Variants in BPGM observed in about 807,000 individuals in gnomAD.
BPGM encodes the protein 2,3-bisphosphoglycerate mutase, erythrocyte.
A neutral mutation model predicts 21.6 loss-of-function variants in BPGM; 15 were observed. That is an observed-to-expected ratio of 0.70 (90% confidence interval 0.47 to 1.07). The LOEUF is 1.07. BPGM is among the 50% of genes least tolerant of loss of function. The pLI is 0.00. For missense variants in BPGM, 273 were observed against 319.0 expected (o/e 0.86, Z 1.10); for synonymous variants, 113 against 116.2 (o/e 0.97, Z 0.18).
intron 1 of BPGM, among the ~76,000 whole-genome samples, chr7:134,648,227 C>G (rs1461195777): frequency 6.6e-6 from 1 of 151,508 alleles, no homozygotes; most frequent in Non-Finnish European, 1.5e-5. Context: ...CCTCCGCCTC[C>G]TGGATTCAAT....
Position 134,679,394 on chromosome 7 carries a change from ATC to A in BPGM, c.*364_*365del, listed in dbSNP as rs1475845185. ...GTCACCATTGACAGGCACTATTCTA[ATC>A]AGTAGTTCACTTTAATATTTAATAA... On this transcript the variant is annotated 3_prime_UTR_variant, in exon 3 of 3. Coordinates refer to ENST00000344924, the MANE Select transcript of BPGM (RefSeq NM_001724.5). The A allele has an allele frequency of 7.9e-6, 2 of 254,504 alleles. No individual in the cohort carries two copies. The highest frequency in any genetic ancestry group is 1.5e-5 in the Non-Finnish European group (2 of 130,428). The allele number at this position is 254,504 out of a possible 1,614,324, so 15.8% of individuals were successfully genotyped here.
At position 134,659,575 on chromosome 7, in the gene BPGM, G is replaced by A. The variant is rs192821013; in HGVS notation, c.-61-1872G>A. Among the ~76,000 whole-genome samples the A allele has an allele frequency of 2.8e-3, 433 of 152,272 alleles. 2 individuals carry two copies. Among genetic ancestry groups the A allele is most frequent in the Non-Finnish European group, 1.6e-3 (112 of 68,022 alleles). On this transcript the variant is annotated intron_variant, in intron 1 of 2. Coordinates refer to ENST00000344924, the MANE Select transcript of BPGM (RefSeq NM_001724.5). Reference sequence around the variant, plus strand: ...ACCCTGATGCCTCTTCTAGGCTAAGGACAGAGACATTGGGCTTCCTCCTTG... The same window carrying A: ...ACCCTGATGCCTCTTCTAGGCTAAGAACAGAGACATTGGGCTTCCTCCTTG...
Position 134,661,725 on chromosome 7 carries a change from A to G in BPGM, c.218A>G (p.Glu73Gly). Reference protein sequence around the residue: ...SIHTAWLILEELGQEWVPVES... With the variant: ...SIHTAWLILEGLGQEWVPVES... Reference sequence around the variant, plus strand: ...CACACAGCCTGGCTGATCCTGGAAGAGCTAGGCCAGGAATGGGTGCCTGTG... The same window carrying G: ...CACACAGCCTGGCTGATCCTGGAAGGGCTAGGCCAGGAATGGGTGCCTGTG... The change falls in exon 2 of 3, where the codon GAG becomes GGG. Residue 73 changes from glutamate (E) to glycine (G), a missense_variant. Glu to Gly is a moderately conservative substitution (Grantham distance 98, BLOSUM62 -2). Coordinates refer to ENST00000344924, the MANE Select transcript of BPGM (RefSeq NM_001724.5). The surrounding 1 kb of genome is among the most constrained non-coding windows in gnomAD (Gnocchi z 4.6). 6.2e-7 allele frequency: 1 copy of G among 1,614,136 alleles called. No individual in the cohort carries two copies.
chr7:134,652,650 G>A (rs1349301552), intron 1 of BPGM, among the ~76,000 whole-genome samples: 1 of 152,036 alleles, frequency 6.6e-6, no homozygotes, highest in Non-Finnish European at 1.5e-5. Flanking sequence ...CCCTGCCTCT[G>A]GCAACCATAA....
At chr7:134,671,587 G>A (rs936897224) in intron 2 of BPGM, among the ~76,000 whole-genome samples, 4 of 152,008 alleles carry the variant, frequency 2.6e-5, no homozygotes, top group East Asian at 3.9e-4. Flanking sequence ...GGATGGCCTC[G>A]ATCTCCTGAC....
chr7:134,674,976 C>T (rs995168289), intron 2 of BPGM, among the ~76,000 whole-genome samples: 1 of 152,174 alleles, frequency 6.6e-6, no homozygotes, highest in Non-Finnish European at 1.5e-5. Context: ...AAAGTAGTAT[C>T]TCATTGTGGT....
chr7:134,672,290 AGACTTCAACACAGACTTAAAG>A (rs1795917551), intron 2 of BPGM, among the ~76,000 whole-genome samples: 1 of 14,696 alleles, frequency 6.8e-5, no homozygotes, highest in Non-Finnish European at 9.0e-5. Context: ...ACAGACTTAA[AGACTTCAACACAGACTTAAAG>A]GCAATGGTGG....
intron 2 of BPGM, among the ~76,000 whole-genome samples, chr7:134,663,788 T>C (rs1347428880): frequency 6.6e-6 from 1 of 152,216 alleles, no homozygotes; most frequent in Non-Finnish European, 1.5e-5. Flanking sequence ...TACCATTGAC[T>C]CTTCACCTAT....
intron 2 of BPGM, among the ~76,000 whole-genome samples, chr7:134,666,597 T>C (rs1021601570): frequency 6.6e-6 from 1 of 152,228 alleles, no homozygotes; most frequent in East Asian, 1.9e-4. Context: ...ATGATGACTT[T>C]GTTCCTTTTT....
chr7:134,668,065 A>G (rs1795846642), intron 2 of BPGM, among the ~76,000 whole-genome samples: 1 of 101,500 alleles, frequency 9.9e-6, no homozygotes, highest in African/African-American at 4.8e-5. Flanking sequence ...GGTGTCATCC[A>G]TATACCTCAA....
chr7:134,657,563 C>T (rs577519650), intron 1 of BPGM, among the ~76,000 whole-genome samples: 24 of 152,112 alleles, frequency 1.6e-4, no homozygotes, highest in Non-Finnish European at 2.4e-4. Context: ...GGGGGAGGGG[C>T]GATTTGGTCA....
At chr7:134,654,862 G>A (rs1043753405) in intron 1 of BPGM, among the ~76,000 whole-genome samples, 1 of 152,118 alleles carries the variant, frequency 6.6e-6, no homozygotes, top group South Asian at 2.1e-4. Context: ...CAAGTTTGGT[G>A]TCAGGAAACT....
intron 2 of BPGM, among the ~76,000 whole-genome samples, chr7:134,670,743 G>C (rs1795891193): frequency 6.6e-6 from 1 of 152,126 alleles, no homozygotes; most frequent in South Asian, 2.1e-4. Context: ...ACTTGACCAG[G>C]AGAGGAAAGT....
chr7:134,653,847 C>A (rs1365620885), intron 1 of BPGM, among the ~76,000 whole-genome samples: 2 of 152,032 alleles, frequency 1.3e-5, no homozygotes, highest in East Asian at 3.9e-4. Context: ...ATATTTTTTG[C>A]CTATTAGGCA....
At chr7:134,665,847 CTTTTA>C in intron 2 of BPGM, among the ~76,000 whole-genome samples, 1 of 149,890 alleles carries the variant, frequency 6.7e-6, no homozygotes, top group Non-Finnish European at 1.5e-5. Flanking sequence ...CTTTTCTTTT[CTTTTA>C]GAGATTAATG....
At position 134,667,939 on chromosome 7, in the gene BPGM, C is replaced by A. The variant is rs191649518; in HGVS notation, c.601+5831C>A. Among the ~76,000 whole-genome samples the A allele has an allele frequency of 4.6e-5, 7 of 152,250 alleles. 1 individual carries two copies. Among genetic ancestry groups the A allele is most frequent in the Admixed American group, 1.3e-4 (2 of 15,286 alleles). On this transcript the variant is annotated intron_variant, in intron 2 of 2. Coordinates refer to ENST00000344924, the MANE Select transcript of BPGM (RefSeq NM_001724.5). ...AAAACTAGGGTGGGAAGAATCATGACCCCAGTTAAATAACTAATTAGAATA... is the reference window on the plus strand; with the variant it reads ...AAAACTAGGGTGGGAAGAATCATGAACCCAGTTAAATAACTAATTAGAATA...
chr7:134,661,718 C>G lies in BPGM; in HGVS notation c.211C>G (p.Leu71Val). ...GTCCATTCACACAGCCTGGCTGATC[C>G]TGGAAGAGCTAGGCCAGGAATGGGT... is the stretch of plus-strand genomic sequence containing the variant. ...NRSIHTAWLI[L>V]EELGQEWVPV... The change falls in exon 2 of 3, where the codon CTG becomes GTG. Residue 71 changes from leucine (L) to valine (V), a missense_variant. Coordinates refer to ENST00000344924, the MANE Select transcript of BPGM (RefSeq NM_001724.5). This position sits in a 1 kb window ranked among gnomAD's most constrained non-coding sequence, Gnocchi z 4.6. 1.2e-6 allele frequency: 2 copies of G among 1,614,088 alleles called. No individual in the cohort carries two copies. Among genetic ancestry groups the G allele is most frequent in the Non-Finnish European group, 1.7e-6 (2 of 1,180,008 alleles).
chr7:134,665,952 A>T (rs1236303848), intron 2 of BPGM, among the ~76,000 whole-genome samples: 2 of 151,988 alleles, frequency 1.3e-5, no homozygotes, highest in Non-Finnish European at 2.9e-5. Context: ...ATCTTGGCCC[A>T]CTGCAACCTT....
Position 134,679,223 on chromosome 7 carries a change from T to C in BPGM, c.*192T>C. On this transcript the variant is annotated 3_prime_UTR_variant, in exon 3 of 3. Transcript: ENST00000344924. ...TGCCTCAGTGCTTATGTCATAGCCTTATGAGTTAGCTTTCTTGCTAGCCCC... is the reference window on the plus strand; with the variant it reads ...TGCCTCAGTGCTTATGTCATAGCCTCATGAGTTAGCTTTCTTGCTAGCCCC... The C allele has an allele frequency of 1.6e-6, 1 of 625,676 alleles. No homozygotes were observed. The highest frequency in any genetic ancestry group is 2.0e-5 in the South Asian group (1 of 48,848). The allele number at this position is 625,676 out of a possible 1,614,324, so 38.8% of individuals were successfully genotyped here.
Sources: allele counts gnomAD v4.1 joint callset (sites outside exome capture counted in the v4.1 genomes callset), GRCh38; gene constraint gnomAD v4.1.1; non-coding constraint Gnocchi (gnomAD v3.1); transcripts MANE v1.5; gene names NCBI Gene and HGNC (gene_info 2026-07-23, HGNC 2026-07-21).